Variants in EAPP observed in about 807,000 individuals in gnomAD.
EAPP encodes E2F-associated phosphoprotein.
A neutral mutation model predicts 34.3 loss-of-function variants in EAPP; 38 were observed. The observed-to-expected ratio is 1.11, with a 90% CI of 0.85 to 1.45. EAPP has a LOEUF of 1.45. EAPP is among the 40% of genes most tolerant of loss of function. EAPP has a pLI of 0.00. For synonymous variants in EAPP, 113 were observed against 117.6 expected, an observed-to-expected ratio of 0.96 and a Z score of 0.25; for missense variants, 338 against 343.7, an observed-to-expected ratio of 0.98 and a Z score of 0.13.
At chr14:34,522,264 T>G (rs1879943156) in intron 5 of EAPP, among the ~76,000 whole-genome samples, 1 of 144,608 alleles carries the variant, frequency 6.9e-6, no homozygotes, top group Non-Finnish European at 1.6e-5. Flanking sequence ...CCATAATTTT[T>G]TTAATTATTT....
rs1006228283 is a variant in EAPP, at chr14:34,535,735, AT to A, written c.256+358del. ...TCGTGAGCCACCGTGCCCGGCCCAAATTTTTTTTTTAATTATCTGGGCACAG... is the reference window on the plus strand; with the variant it reads ...TCGTGAGCCACCGTGCCCGGCCCAAATTTTTTTTTAATTATCTGGGCACAG... On this transcript the variant is annotated intron_variant, in intron 2 of 5. Transcript: ENST00000250454. 223 of 158,958 alleles carry A rather than the reference AT, an allele frequency of 1.4e-3. 2 individuals are homozygous for A. The highest frequency in any genetic ancestry group is 2.5e-3 in the African/African-American group (102 of 41,194). 9.8% of individuals were successfully genotyped at this position (158,958 alleles called of 1,614,324 possible).
intron 5 of EAPP, among the ~76,000 whole-genome samples, chr14:34,520,398 C>G (rs1208297690): frequency 4.8e-5 from 7 of 146,776 alleles, no homozygotes; most frequent in Non-Finnish European, 1.1e-4. Flanking sequence ...TTAATAGAGA[C>G]AGAGTTTCAC....
At chr14:34,533,223 T>A (rs1356657214) in intron 3 of EAPP, among the ~76,000 whole-genome samples, 1 of 151,928 alleles carries the variant, frequency 6.6e-6, no homozygotes, top group Non-Finnish European at 1.5e-5. Flanking sequence ...TTAGTACAGA[T>A]GGGGTTTCAC....
chr14:34,523,247 T>C (rs1267470657), intron 5 of EAPP, among the ~76,000 whole-genome samples: 1 of 151,524 alleles, frequency 6.6e-6, no homozygotes, highest in Non-Finnish European at 1.5e-5. Context: ...ACCTTTTTTT[T>C]TTTTTTTTGA....
chr14:34,532,833 C>T (rs920308938), intron 3 of EAPP, among the ~76,000 whole-genome samples: 5 of 151,944 alleles, frequency 3.3e-5, no homozygotes, highest in African/African-American at 4.8e-5. Context: ...TGGCACCAAG[C>T]CTGGCTAATT....
intron 2 of EAPP, among the ~76,000 whole-genome samples, chr14:34,533,996 T>A (rs531398515): frequency 2.8e-4 from 43 of 152,300 alleles, no homozygotes; most frequent in Non-Finnish European, 2.5e-4. Flanking sequence ...CCTATACTTA[T>A]GTCATCATAT....
In EAPP at chr14:34,529,434, G is replaced by C; in HGVS notation, c.394C>G (p.Pro132Ala). ...TCATACAGTAATTCGTCATTTGTTGGAATCTTGTGTTGTTTCTTCTTTTTT... is the reference window on the plus strand; with the variant it reads ...TCATACAGTAATTCGTCATTTGTTGCAATCTTGTGTTGTTTCTTCTTTTTT... ...KKKKKKQHKI[P>A]TNDELLYDPE... The change falls in exon 4 of 6, where the codon CCA becomes GCA. Residue 132 changes from proline to alanine, a missense_variant. By Grantham distance (27) the Pro-to-Ala change is conservative. Transcript: ENST00000250454. 1 of 1,613,094 alleles carries C rather than the reference G, an allele frequency of 6.2e-7. No individual in the cohort carries two copies. The highest frequency in any genetic ancestry group is 1.1e-5 in the South Asian group (1 of 91,036).
chr14:34,524,814 C>T lies in EAPP; in HGVS notation c.471-7G>A. 6.2e-7 allele frequency: 1 copy of T among 1,607,654 alleles called. No homozygotes were observed. On this transcript the variant is annotated splice_polypyrimidine_tract_variant and splice_region_variant and intron_variant, in intron 4 of 5. Coordinates refer to ENST00000250454, the MANE Select transcript of EAPP (RefSeq NM_018453.4). ...TGGTCCCAAACCATGGTAACTAGAA[C>T]AGAAGAAGAAAGTGGGGAGAAAAAC...
intron 4 of EAPP, 84 bp from the exon 5 acceptor site, chr14:34,524,891 A>G: frequency 1.9e-6 from 2 of 1,045,996 alleles, no homozygotes; most frequent in South Asian, 1.3e-5. Flanking sequence ...AAAAAGAACC[A>G]GTACTATTCA....
intron 4 of EAPP, among the ~76,000 whole-genome samples, chr14:34,526,653 A>C (rs1880105775): frequency 6.6e-6 from 1 of 151,884 alleles, no homozygotes; most frequent in Non-Finnish European, 1.5e-5. Flanking sequence ...AAGGAGGCCA[A>C]GGTAGGAGGG....
chr14:34,516,283 TG>T lies in EAPP; in HGVS notation c.*26del. The T allele has an allele frequency of 3.8e-6, 6 of 1,589,144 alleles. No homozygotes were observed. The highest frequency in any genetic ancestry group is 5.1e-6 in the Non-Finnish European group (6 of 1,167,484). ...TCCATATTTGCCTTATATACAGTAT[TG>T]GGTAATTAAATGCCAGTTGGGCTGT... On this transcript the variant is annotated 3_prime_UTR_variant, in exon 6 of 6. Transcript: ENST00000250454.
At chr14:34,531,933 G>A (rs1049575225) in intron 3 of EAPP, among the ~76,000 whole-genome samples, 2 of 151,308 alleles carry the variant, frequency 1.3e-5, no homozygotes, top group African/African-American at 2.4e-5. Flanking sequence ...AAAATTAGCC[G>A]GGTGTGGTGG....
intron 5 of EAPP, among the ~76,000 whole-genome samples, chr14:34,519,426 T>C (rs889769038): frequency 2.6e-5 from 4 of 151,966 alleles, no homozygotes; most frequent in African/African-American, 9.7e-5. Flanking sequence ...TCCCAGCTAC[T>C]TGGGAGACTG....
At chr14:34,535,896 C>A in intron 2 of EAPP, 198 bp downstream of exon 2, 1 of 500,058 alleles carries the variant, frequency 2.0e-6, no homozygotes, top group Non-Finnish European at 3.4e-6. Flanking sequence ...GACATTGAAT[C>A]TAAAGTAATA....
chr14:34,530,904 C>CA (rs780101001), intron 3 of EAPP, among the ~76,000 whole-genome samples: 2,914 of 55,136 alleles, frequency 0.053, 77 homozygotes, highest in African/African-American at 0.099. Flanking sequence ...CAATCTTTAC[C>CA]AAAAAAAAAA....
At chr14:34,529,600 A>T (rs1594666008) in intron 3 of EAPP, 125 bp from the exon 4 acceptor site, 1 of 758,304 alleles carries the variant, frequency 1.3e-6, no homozygotes, top group African/African-American at 1.8e-5. Context: ...TAAAAAAGGG[A>T]CGGGCGCAGT....
chr14:34,524,910 G>T, intron 4 of EAPP, 103 bp from the exon 5 acceptor site: 1 of 823,084 alleles, frequency 1.2e-6, no homozygotes, highest in Non-Finnish European at 2.0e-6. Context: ...CAGAGAAATG[G>T]CTAATTCTAG....
intron 5 of EAPP, among the ~76,000 whole-genome samples, chr14:34,517,491 T>C (rs1258520226): frequency 6.6e-6 from 1 of 151,936 alleles, no homozygotes; most frequent in Non-Finnish European, 1.5e-5. Context: ...TCAGGTAATC[T>C]GTCCACCTCG....
intron 3 of EAPP, among the ~76,000 whole-genome samples, chr14:34,530,777 G>T (rs547292698): frequency 3.4e-4 from 51 of 150,476 alleles, no homozygotes; most frequent in Admixed American, 1.1e-3. Flanking sequence ...TTTCAAAAGT[G>T]AATTAAAAAA....
Sources: gnomAD v4.1 joint callset for allele counts (sites outside exome capture counted in the v4.1 genomes callset) on GRCh38, gnomAD v4.1.1 for gene constraint, MANE v1.5 for transcripts, NCBI Gene and HGNC (gene_info 2026-07-23, HGNC 2026-07-21) for gene names.